The following GOLGA2 variants were observed in gnomAD, a reference collection of about 807,000 sequenced individuals.
The protein encoded by GOLGA2 is golgin subfamily A member 2.
Under a neutral mutation model 148.8 loss-of-function variants are expected in GOLGA2, and 49 were observed. That is an observed-to-expected ratio of 0.33 (90% confidence interval 0.26 to 0.42). The LOEUF is 0.42. Among genes scored for constraint, GOLGA2 ranks in the 10% least tolerant of loss-of-function variants. The pLI, the probability that GOLGA2 is intolerant of heterozygous loss-of-function variation, is 1.00. For synonymous variants in GOLGA2, 501 were observed against 511.8 expected, an observed-to-expected ratio of 0.98 and a Z score of 0.28; for missense variants, 1,178 against 1,304.6, an observed-to-expected ratio of 0.90 and a Z score of 1.49.
At chr9:128,263,665 G>A (rs1480567668) in intron 12 of GOLGA2, among the ~76,000 whole-genome samples, 1 of 151,846 alleles carries the variant, frequency 6.6e-6, no homozygotes, top group African/African-American at 2.4e-5. Context: ...TGATCCGCCC[G>A]TCTCAGCCTC....
rs1831332580 is a variant in GOLGA2 at position 128,275,946 on chromosome 9, G to A, written c.31C>T (p.Pro11Ser). The A allele has an allele frequency of 6.3e-7, 1 of 1,595,880 alleles. No individual in the cohort carries two copies. The highest frequency in any genetic ancestry group is 1.4e-5 in the African/African-American group (1 of 73,944). ...TGTCGGGTTTCTTCCGACATCGCGG[G>A]GCGGGGAGGGAGGCGGGGTTGGGGC... is the stretch of plus-strand genomic sequence containing the variant. MWPQPRLPPR[P>S]AMSEETRQSK... The change falls in exon 1 of 27, where the codon CCC becomes TCC. Residue 11 changes from proline (P) to serine (S), a missense_variant. Transcript: ENST00000611957.
chr9:128,267,036 C>T (rs1187245911), intron 8 of GOLGA2, 158 bp downstream of exon 8: 2 of 674,576 alleles, frequency 3.0e-6, no homozygotes, highest in African/African-American at 3.6e-5. Flanking sequence ...ATGCTGCATG[C>T]TCCGTGCTCT....
chr9:128,260,083 T>G lies in GOLGA2; in HGVS notation c.1865A>C (p.Lys622Thr), dbSNP rs1830155553. Residue 622 changes from lysine to threonine, a missense_variant, in exon 19 of 27, where the codon AAG (lysine) becomes ACG (threonine). By Grantham distance (78) the Lys-to-Thr change is moderately conservative. This residue lies in a region of GOLGA2 where 529 missense variants were observed against 521.8 expected (regional missense o/e 1.01). Transcript: ENST00000611957. This position sits in a 1 kb window ranked among gnomAD's most constrained non-coding sequence, Gnocchi z 4.8. ...TGGATGGGGCGGGGTTACCGTTTCC[T>G]TCAGCTCGCTCAGCTTCTCCTGCAG... The part of the protein sequence containing the change: ...GELQEKLSEL[K>T]ETVELKSQEA... 6.2e-7 allele frequency: 1 copy of G among 1,607,740 alleles called. No homozygotes were observed. The highest frequency in any genetic ancestry group is 1.3e-5 in the African/African-American group (1 of 74,878).
chr9:128,267,805 G>A (rs952370071), intron 6 of GOLGA2, 129 bp downstream of exon 6: 5 of 775,904 alleles, frequency 6.4e-6, no homozygotes, highest in Admixed American at 2.2e-5. Flanking sequence ...GGGAAAAGGC[G>A]ACTTCCTTAA....
intron 19 of GOLGA2, 114 bp downstream of exon 19, chr9:128,259,962 T>TG: frequency 2.6e-6 from 2 of 757,178 alleles, no homozygotes; most frequent in Non-Finnish European, 4.7e-6. Context: ...AGGACTGCCC[T>TG]GGAGGGTGCT....
chr9:128,269,742 C>T (rs1588490382), intron 3 of GOLGA2, among the ~76,000 whole-genome samples: 2 of 152,292 alleles, frequency 1.3e-5, no homozygotes, highest in African/African-American at 4.8e-5. Context: ...GGCCTGGCCA[C>T]GGAAGCTGGG....
Position 128,266,201 on chromosome 9 carries a change from TG to T in GOLGA2, c.681+85del. On this transcript the variant is annotated intron_variant, in intron 9 of 26. Transcript: ENST00000611957. The surrounding 1 kb of genome is among the most constrained non-coding windows in gnomAD (Gnocchi z 4.2). ...TGAGCCTTCTTCCCCAGGCTGGGAG[TG>T]GGTGAGACGAGACTGAGGCCTCTAC... 5.1e-6 allele frequency: 7 copies of T among 1,384,044 alleles called. No homozygotes were observed. Among genetic ancestry groups the T allele is most frequent in the Non-Finnish European group, 6.2e-6 (6 of 971,938 alleles). 85.7% of individuals were successfully genotyped at this position (1,384,044 alleles called of 1,614,324 possible). A position where few individuals can be genotyped will look rare whatever the true frequency, so the allele number is the denominator to read the frequency against.
rs566301242 is a variant in GOLGA2, at chr9:128,260,601, C to A, written c.1622G>T (p.Trp541Leu). Residue 541 changes from tryptophan to leucine, a missense_variant, in exon 18 of 27, where the codon TGG becomes TTG. This residue lies in a region of GOLGA2 where 529 missense variants were observed against 521.8 expected (regional missense o/e 1.01). Transcript: ENST00000611957. The surrounding 1 kb of genome is among the most constrained non-coding windows in gnomAD (Gnocchi z 4.8). ...CCTGCGCGCCTCCGCCTGCTCCCCC[C>A]AGAGCTCGGCCGCCCGCTCCAGCTC... ...LLELERAAEL[W>L]GEQAEARRQI... The A allele has an allele frequency of 8.1e-6, 13 of 1,611,506 alleles. No individual in the cohort carries two copies. The highest frequency in any genetic ancestry group is 4.5e-5 in the East Asian group (2 of 44,870).
chr9:128,273,248 G>C (rs897747801), intron 2 of GOLGA2, among the ~76,000 whole-genome samples: 3 of 152,176 alleles, frequency 2.0e-5, no homozygotes, highest in Admixed American at 6.5e-5. Flanking sequence ...TTGAACAAAG[G>C]GGGCTCCAGC....
chr9:128,267,105 G>C (rs1830637998), intron 8 of GOLGA2, 89 bp downstream of exon 8: 1 of 961,778 alleles, frequency 1.0e-6, no homozygotes, highest in Non-Finnish European at 1.7e-6. Context: ...TGGCACCAGG[G>C]GCCCCCTGCC....
At chr9:128,268,331 G>T in intron 4 of GOLGA2, 89 bp downstream of exon 4, 1 of 1,031,424 alleles carries the variant, frequency 9.7e-7, no homozygotes, top group Non-Finnish European at 1.5e-6. Context: ...AAGGGCCCTT[G>T]ACCCTAGGGA....
Position 128,260,031 on chromosome 9 carries a change from G to A in GOLGA2, c.1872+45C>T. ...TGGCCTCACACCACCCCTCCCCAGAGGCTGGTGCCCGCCTCCCAGCCCTTC... is the reference window on the plus strand; with the variant it reads ...TGGCCTCACACCACCCCTCCCCAGAAGCTGGTGCCCGCCTCCCAGCCCTTC... On this transcript the variant is annotated intron_variant, in intron 19 of 26. Transcript: ENST00000611957. The surrounding 1 kb of genome is among the most constrained non-coding windows in gnomAD (Gnocchi z 4.8). The A allele has an allele frequency of 2.2e-6, 3 of 1,383,856 alleles. No individual in the cohort carries two copies. Among genetic ancestry groups the A allele is most frequent in the Non-Finnish European group, 3.1e-6 (3 of 980,414 alleles). The allele number at this position is 1,383,856 out of a possible 1,614,324, so 85.7% of individuals were successfully genotyped here.
In GOLGA2 at chr9:128,258,499, G is replaced by A. The variant is rs1830044923; in HGVS notation, c.2245C>T (p.Pro749Ser). The A allele has an allele frequency of 6.2e-7, 1 of 1,609,664 alleles. No individual in the cohort carries two copies. Among genetic ancestry groups the A allele is most frequent in the Non-Finnish European group, 8.5e-7 (1 of 1,178,882 alleles). Reference protein sequence around the residue: ...EEEEAVAVPQPMPSIPEDLES... With the variant: ...EEEEAVAVPQSMPSIPEDLES... ...AGGTCCTCCGGGATGCTTGGCATGGGCTGAGGTACTGCCACCGCCTCCTCC... is the reference window on the plus strand; with the variant it reads ...AGGTCCTCCGGGATGCTTGGCATGGACTGAGGTACTGCCACCGCCTCCTCC... The change falls in exon 22 of 27, where the codon CCC becomes TCC. Residue 749 changes from proline (P) to serine (S), a missense_variant. This residue lies in a region of GOLGA2 where 529 missense variants were observed against 521.8 expected (regional missense o/e 1.01). Coordinates refer to ENST00000611957, the MANE Select transcript of GOLGA2 (RefSeq NM_001366244.2). The surrounding 1 kb of genome is among the most constrained non-coding windows in gnomAD (Gnocchi z 6.6).
rs780761401 is a variant in GOLGA2 at position 128,258,027 on chromosome 9, A to G, written c.2461T>C (p.Cys821Arg). The change falls in exon 23 of 27, where the codon TGT (cysteine) becomes CGT (arginine). Residue 821 changes from cysteine (C) to arginine (R), a missense_variant. By Grantham distance (180) the Cys-to-Arg change is radical. Transcript: ENST00000611957. The surrounding 1 kb of genome is among the most constrained non-coding windows in gnomAD (Gnocchi z 6.6). The part of the protein sequence containing the change: ...PAPGTGGDSV[C>R]GETHRALQGA... ...TGCAGGGCCCGGTGGGTCTCCCCAC[A>G]CACAGAATCACCCCCGGTCCCTGGG... 21 of 1,607,734 alleles carry G rather than the reference A, an allele frequency of 1.3e-5. No homozygotes were observed. In the South Asian group the frequency reaches 2.0e-4, roughly 15 times the overall value.
Position 128,259,898 on chromosome 9 carries a change from G to A in GOLGA2, c.1872+178C>T, listed in dbSNP as rs190842467. Reference sequence around the variant, plus strand: ...ACGATGATGTCCAGACCTGAGAGGAGCCCAAAGCTATCCACCTCTAAAAGT... The same window carrying A: ...ACGATGATGTCCAGACCTGAGAGGAACCCAAAGCTATCCACCTCTAAAAGT... On this transcript the variant is annotated intron_variant, in intron 19 of 26. Coordinates refer to ENST00000611957, the MANE Select transcript of GOLGA2 (RefSeq NM_001366244.2). Among the ~76,000 whole-genome samples, 8 of 152,290 alleles carry A rather than the reference G, an allele frequency of 5.3e-5. No individual in the cohort carries two copies. In the East Asian group the frequency reaches 1.5e-3, roughly 29 times the overall value.
rs1564363493 is a variant in GOLGA2 at position 128,260,396 on chromosome 9, T to C, written c.1758+69A>G. On this transcript the variant is annotated intron_variant, in intron 18 of 26. Coordinates refer to ENST00000611957, the MANE Select transcript of GOLGA2 (RefSeq NM_001366244.2). This position sits in a 1 kb window ranked among gnomAD's most constrained non-coding sequence, Gnocchi z 4.8. ...CAAGTGAGGGCTACACTGCCCCACT[T>C]TACAGGTGGGAAAACAAAGGTCTGG... 4 of 1,336,216 alleles carry C rather than the reference T, an allele frequency of 3.0e-6. No individual in the cohort carries two copies. In the East Asian group the frequency reaches 6.9e-5, roughly 23 times the overall value. The allele number at this position is 1,336,216 out of a possible 1,614,324, so 82.8% of individuals were successfully genotyped here.
intron 12 of GOLGA2, among the ~76,000 whole-genome samples, chr9:128,264,165 A>C (rs894435734): frequency 6.8e-6 from 1 of 148,028 alleles, no homozygotes; most frequent in Non-Finnish European, 1.5e-5. Context: ...ACTCCGTCTC[A>C]AAAAAAAAGG....
chr9:128,266,975 G>C lies in GOLGA2; in HGVS notation c.642+219C>G, dbSNP rs1830629067. ...GGCGTGTGTGGCAAGGACTCGAGCA[G>C]GGGTGTCTAGAGAAGAGAGAGTAGG... On this transcript the variant is annotated intron_variant, in intron 8 of 26. Coordinates refer to ENST00000611957, the MANE Select transcript of GOLGA2 (RefSeq NM_001366244.2). The surrounding 1 kb of genome is among the most constrained non-coding windows in gnomAD (Gnocchi z 4.2). 1.6e-6 allele frequency: 1 copy of C among 613,812 alleles called. No individual in the cohort carries two copies. The highest frequency in any genetic ancestry group is 1.9e-5 in the African/African-American group (1 of 53,888). The allele number at this position is 613,812 out of a possible 1,614,324, so 38.0% of individuals were successfully genotyped here.
In GOLGA2 at chr9:128,260,688, G is replaced by A. The variant is rs757400376; in HGVS notation, c.1535C>T (p.Ala512Val). The A allele has an allele frequency of 1.2e-6, 2 of 1,613,402 alleles. No homozygotes were observed. Among genetic ancestry groups the A allele is most frequent in the African/African-American group, 1.3e-5 (1 of 75,050 alleles). The change falls in exon 18 of 27, where the codon GCC becomes GTC. Residue 512 changes from alanine (A) to valine (V), a missense_variant. Physicochemically the swap from Ala to Val is moderately conservative, Grantham distance 64 (BLOSUM62 0). Around this residue, in one of 5 missense-constraint regions of GOLGA2, gnomAD observed 529 missense variants for 521.8 expected, o/e 1.01. Coordinates refer to ENST00000611957, the MANE Select transcript of GOLGA2 (RefSeq NM_001366244.2). This position sits in a 1 kb window ranked among gnomAD's most constrained non-coding sequence, Gnocchi z 4.8. ...ELEGLAGQLQ[A>V]QVQDNEGLSR... ...CAAGCCCTCATTGTCTTGCACCTGGGCTTGAAGCTGTCCTGCCAGACCCTC... is the reference window on the plus strand; with the variant it reads ...CAAGCCCTCATTGTCTTGCACCTGGACTTGAAGCTGTCCTGCCAGACCCTC...
Sources: allele counts gnomAD v4.1 joint callset (sites outside exome capture counted in the v4.1 genomes callset), GRCh38; gene constraint gnomAD v4.1.1; regional missense constraint gnomAD v4.1.1; non-coding constraint Gnocchi (gnomAD v3.1); transcripts MANE v1.5; gene names NCBI Gene and HGNC (gene_info 2026-07-23, HGNC 2026-07-21).